MIPOL1: variants seen among roughly 807,000 people sequenced by gnomAD.
MIPOL1 encodes mirror-image polydactyly 1, also known as mirror-image polydactyly gene 1 protein.
In MIPOL1, 57 loss-of-function variants were observed where a neutral mutation model predicts 60.9. The ratio of observed to expected loss-of-function variants is 0.94; its 90% CI spans 0.76 to 1.17. The LOEUF (loss-of-function observed/expected upper bound fraction) is 1.17, where lower values mean the gene tolerates loss of function less well. Ranked by LOEUF, MIPOL1 falls within the 50% of genes most tolerant of loss-of-function variation. MIPOL1 has a pLI of 0.00. For synonymous variants in MIPOL1, 179 were observed against 168.8 expected (o/e 1.06, Z -0.47); for missense variants, 551 against 511.6 (o/e 1.08, Z -0.74).
chr14:37,329,041 A>C (rs1448294045), intron 9 of MIPOL1, among the ~76,000 whole-genome samples: 1 of 152,090 alleles, frequency 6.6e-6, no homozygotes, highest in Non-Finnish European at 1.5e-5. Context: ...AGTCATAGGA[A>C]AATTATACTT....
At chr14:37,411,244 C>T (rs1188358451) in intron 10 of MIPOL1, among the ~76,000 whole-genome samples, 1 of 152,134 alleles carries the variant, frequency 6.6e-6, no homozygotes, top group Non-Finnish European at 1.5e-5. Context: ...GAAGTCATGT[C>T]TCCCTGACAG....
intron 10 of MIPOL1, among the ~76,000 whole-genome samples, chr14:37,422,043 C>T (rs1188652463): frequency 6.6e-6 from 1 of 151,878 alleles, no homozygotes; most frequent in Non-Finnish European, 1.5e-5. Flanking sequence ...TTTGAATAAA[C>T]AATACTAAAA....
intron 12 of MIPOL1, 60 bp from the exon 13 acceptor site, chr14:37,546,845 A>T: frequency 7.4e-7 from 1 of 1,355,380 alleles, no homozygotes; most frequent in Admixed American, 1.8e-5. Context: ...CAGCCAGGAC[A>T]TTCTTAACAA....
At chr14:37,242,442 C>G (rs1972503857) in intron 1 of MIPOL1, among the ~76,000 whole-genome samples, 1 of 152,030 alleles carries the variant, frequency 6.6e-6, no homozygotes, top group Non-Finnish European at 1.5e-5. Context: ...TATAGGAAAT[C>G]TATTTGTCTT....
chr14:37,441,424 G>C (rs921680644), intron 11 of MIPOL1, among the ~76,000 whole-genome samples: 2 of 152,066 alleles, frequency 1.3e-5, no homozygotes, highest in African/African-American at 4.8e-5. Context: ...TACGGTGAGA[G>C]ATAAGGGTTC....
At chr14:37,401,211 G>A (rs2093475220) in intron 10 of MIPOL1, 1 of 151,992 alleles carries the variant, frequency 6.6e-6, no homozygotes, top group South Asian at 2.1e-4. Flanking sequence ...TGGAGTAAGT[G>A]CAGGAGCAAA....
At chr14:37,256,750 A>G (rs143127946) in intron 3 of MIPOL1, among the ~76,000 whole-genome samples, 35 of 93,450 alleles carry the variant, frequency 3.7e-4, no homozygotes, top group African/African-American at 1.1e-3. Flanking sequence ...AGTAGAAACC[A>G]GCATCAGAGA....
chr14:37,523,455 A>G (rs927770328), intron 12 of MIPOL1: 13 of 393,946 alleles, frequency 3.3e-5, no homozygotes, highest in African/African-American at 2.7e-4. Context: ...TATAAATATT[A>G]GAGTTTTTTT....
At chr14:37,309,334 A>C (rs767218657) in intron 9 of MIPOL1, among the ~76,000 whole-genome samples, 4 of 151,966 alleles carry the variant, frequency 2.6e-5, no homozygotes, top group Non-Finnish European at 5.9e-5. Flanking sequence ...AAACTCATGC[A>C]TCAGACTGTA....
Position 37,393,404 on chromosome 14 carries a change from T to G in MIPOL1, c.936+23780T>G, listed in dbSNP as rs566056606. Among the ~76,000 whole-genome samples the G allele has an allele frequency of 3.0e-3, 357 of 118,084 alleles. 3 individuals carry two copies. The highest frequency in any genetic ancestry group is 1.0e-2 in the African/African-American group (307 of 30,802). The allele number at this position is 118,084 out of a possible 152,430, so 77.5% of individuals were successfully genotyped here. On this transcript the variant is annotated intron_variant, in intron 10 of 12. Coordinates refer to ENST00000684589, the MANE Select transcript of MIPOL1 (RefSeq NM_001388067.1). The stretch of plus-strand genomic sequence containing the variant: ...GGTTTTGTTTTGTTTTGTTTTGTTT[T>G]TGTGTGTGTGTGTGTGTGTGTGGCG...
chr14:37,421,429 T>G (rs1041614252), intron 10 of MIPOL1, among the ~76,000 whole-genome samples: 1 of 152,264 alleles, frequency 6.6e-6, no homozygotes, highest in South Asian at 2.1e-4. Context: ...GACCTGCCAT[T>G]AGTCACAGTG....
At chr14:37,520,847 AAGT>A (rs1354778038) in intron 12 of MIPOL1, among the ~76,000 whole-genome samples, 1 of 151,850 alleles carries the variant, frequency 6.6e-6, no homozygotes, top group African/African-American at 2.4e-5. Flanking sequence ...ATAAAAAAGA[AAGT>A]AGATTAAAAT....
chr14:37,338,417 T>C (rs1250652199), intron 9 of MIPOL1, among the ~76,000 whole-genome samples: 37 of 514 alleles, frequency 0.072, no homozygotes, highest in Non-Finnish European at 0.22. Flanking sequence ...GCCCCCCCTT[T>C]TTTTTTTTTG....
At chr14:37,419,916 A>T (rs1487989730) in intron 10 of MIPOL1, among the ~76,000 whole-genome samples, 1 of 151,780 alleles carries the variant, frequency 6.6e-6, no homozygotes, top group African/African-American at 2.4e-5. Context: ...AATTTTAAAA[A>T]TTTTTGTGGA....
intron 7 of MIPOL1, among the ~76,000 whole-genome samples, chr14:37,303,700 AT>A (rs2086529710): frequency 6.6e-6 from 1 of 151,876 alleles, no homozygotes; most frequent in Non-Finnish European, 1.5e-5. Context: ...TTTCTTTTTA[AT>A]TCATTCAGTA....
intron 12 of MIPOL1, among the ~76,000 whole-genome samples, chr14:37,521,344 T>A (rs1332512737): frequency 3.3e-5 from 5 of 152,200 alleles, no homozygotes; most frequent in Admixed American, 1.3e-4. Context: ...AAAAACTAAA[T>A]TGAGTATTAT....
At chr14:37,228,163 C>CT (rs879544392) in intron 1 of MIPOL1, among the ~76,000 whole-genome samples, 56 of 152,108 alleles carry the variant, frequency 3.7e-4, no homozygotes, top group Admixed American at 4.6e-4. Flanking sequence ...ACATCAGGGA[C>CT]TTAAGAACCA....
At chr14:37,499,500 G>A (rs1242496492) in intron 11 of MIPOL1, among the ~76,000 whole-genome samples, 1 of 152,110 alleles carries the variant, frequency 6.6e-6, no homozygotes, top group African/African-American at 2.4e-5. Context: ...CTCATTAAGT[G>A]CTTGGCAGAA....
intron 10 of MIPOL1, among the ~76,000 whole-genome samples, chr14:37,394,090 A>G (rs771064980): frequency 4.6e-5 from 6 of 129,304 alleles, no homozygotes; most frequent in Non-Finnish European, 1.0e-4. Flanking sequence ...ATATATCTCC[A>G]TGTTCTATCA....
Sources: allele counts gnomAD v4.1 joint callset (sites outside exome capture counted in the v4.1 genomes callset), GRCh38; gene constraint gnomAD v4.1.1; transcripts MANE v1.5; gene names NCBI Gene and HGNC (gene_info 2026-07-23, HGNC 2026-07-21).